ASS1: variants seen among roughly 807,000 people sequenced by gnomAD.
ASS1 encodes argininosuccinate synthase.
A neutral mutation model predicts 60.5 loss-of-function variants in ASS1; 58 were observed. The observed-to-expected ratio is 0.96, with a 90% CI of 0.78 to 1.19. ASS1 has a LOEUF of 1.19. Ranked by LOEUF, ASS1 falls within the 50% of genes most tolerant of loss-of-function variation. The probability of loss-of-function intolerance (pLI) is 0.00; values close to 1 mark genes in which losing one functional copy is unlikely to be tolerated. For missense variants in ASS1, 454 were observed against 547.3 expected (o/e 0.83, Z 1.70); for synonymous variants, 200 against 206.9 (o/e 0.97, Z 0.29).
In ASS1 at chr9:130,489,307, T is replaced by C. The variant is rs1256273105; in HGVS notation, c.839-26T>C. ...ATGCGTTTCTCTCTTTTTTCTCCTT[T>C]TCCCCCTGCCTGGAAAAATGGCTAG... is the stretch of plus-strand genomic sequence containing the variant. On this transcript the variant is annotated intron_variant, in intron 11 of 14. Coordinates refer to ENST00000352480, the MANE Select transcript of ASS1 (RefSeq NM_054012.4). The surrounding 1 kb of genome is among the most constrained non-coding windows in gnomAD (Gnocchi z 4.1). 6.2e-7 allele frequency: 1 copy of C among 1,613,282 alleles called. No individual in the cohort carries two copies. Among genetic ancestry groups the C allele is most frequent in the East Asian group, 2.2e-5 (1 of 44,898 alleles).
At position 130,483,758 on chromosome 9, in the gene ASS1, T is replaced by C. The variant is rs1047176039; in HGVS notation, c.838+3309T>C. ...CCCGCCTTGCTCCTCCTCCTTGCCT[T>C]CCTTTCCTCCTCCCTCTCTCCCTTT... On this transcript the variant is annotated intron_variant, in intron 11 of 14. Coordinates refer to ENST00000352480, the MANE Select transcript of ASS1 (RefSeq NM_054012.4). 2.5e-3 allele frequency among the ~76,000 whole-genome samples: 264 copies of C among 106,456 alleles called. 1 individual carries two copies. The highest frequency in any genetic ancestry group is 0.011 in the African/African-American group (255 of 23,594). 69.8% of individuals were successfully genotyped at this position (106,456 alleles called of 152,430 possible).
At chr9:130,445,142 G>C in intron 1 of ASS1, 147 bp downstream of exon 1, 1 of 985,398 alleles carries the variant, frequency 1.0e-6, no homozygotes, top group African/African-American at 1.7e-5. Context: ...CGGGGACTGG[G>C]ACCGAGGCAG....
chr9:130,467,552 G>A (rs1044592614), intron 6 of ASS1, among the ~76,000 whole-genome samples: 52 of 152,096 alleles, frequency 3.4e-4, no homozygotes, highest in African/African-American at 1.2e-3. Context: ...TAGGGGAGGC[G>A]GCAGGGACGC....
At position 130,494,788 on chromosome 9, in the gene ASS1, C is replaced by T; in HGVS notation, c.971-79C>T. On this transcript the variant is annotated intron_variant, in intron 12 of 14. Transcript: ENST00000352480. This position sits in a 1 kb window ranked among gnomAD's most constrained non-coding sequence, Gnocchi z 4.3. ...CATGGCGGGGTAAACCATGGGGCACCCTTCCTGTGCCCCAGGTCTCCCTGT... is the reference window on the plus strand; with the variant it reads ...CATGGCGGGGTAAACCATGGGGCACTCTTCCTGTGCCCCAGGTCTCCCTGT... 3 of 1,560,026 alleles carry T rather than the reference C, an allele frequency of 1.9e-6. No homozygotes were observed. The highest frequency in any genetic ancestry group is 2.6e-6 in the Non-Finnish European group (3 of 1,133,612).
intron 4 of ASS1, among the ~76,000 whole-genome samples, chr9:130,461,946 GA>G (rs913330671): frequency 6.6e-6 from 1 of 152,184 alleles, no homozygotes; most frequent in Non-Finnish European, 1.5e-5. Context: ...ATGTGAGGGG[GA>G]AGGGCATCCT....
intron 1 of ASS1, among the ~76,000 whole-genome samples, chr9:130,446,833 AC>A (rs1845207465): frequency 6.6e-6 from 1 of 152,210 alleles, no homozygotes; most frequent in South Asian, 2.1e-4. Context: ...GGCACCAGGC[AC>A]CCATGTGGAA....
rs1181935577 is a variant in ASS1, at chr9:130,489,850, C to T, written c.970+386C>T. Among the ~76,000 whole-genome samples, 5 of 152,236 alleles carry T rather than the reference C, an allele frequency of 3.3e-5. No individual in the cohort carries two copies. Among genetic ancestry groups the T allele is most frequent in the Admixed American group, 1.3e-4 (2 of 15,292 alleles). ...CAGGAGGTCTGCAGCTCCTTGTACA[C>T]GAGGAAACTGAGGCTCAGAAGGAAA... is the stretch of plus-strand genomic sequence containing the variant. On this transcript the variant is annotated intron_variant, in intron 12 of 14. Coordinates refer to ENST00000352480, the MANE Select transcript of ASS1 (RefSeq NM_054012.4). This position sits in a 1 kb window ranked among gnomAD's most constrained non-coding sequence, Gnocchi z 4.1.
In ASS1 at chr9:130,476,790, T is replaced by G. The variant is rs1434292062; in HGVS notation, c.598-81T>G. 32 of 1,309,974 alleles carry G rather than the reference T, an allele frequency of 2.4e-5. No individual in the cohort carries two copies. The highest frequency in any genetic ancestry group is 2.8e-5 in the Non-Finnish European group (25 of 904,966). The allele number at this position is 1,309,974 out of a possible 1,614,324, so 81.1% of individuals were successfully genotyped here. ...TGGGGAAATGGACAGAGGAGAGGGG[T>G]GCAGATCCCCGCGGGAGGTGGGCTG... On this transcript the variant is annotated intron_variant, in intron 8 of 14. Coordinates refer to ENST00000352480, the MANE Select transcript of ASS1 (RefSeq NM_054012.4). The surrounding 1 kb of genome is among the most constrained non-coding windows in gnomAD (Gnocchi z 4.9).
chr9:130,491,380 C>T lies in ASS1; in HGVS notation c.970+1916C>T, dbSNP rs532191131. On this transcript the variant is annotated intron_variant, in intron 12 of 14. Transcript: ENST00000352480. The surrounding 1 kb of genome is among the most constrained non-coding windows in gnomAD (Gnocchi z 5.3). ...CCACCGTGGCCGCGGCCACGGCTGCCACTTATCCTGCCATCTTGCTGCTAG... is the reference window on the plus strand; with the variant it reads ...CCACCGTGGCCGCGGCCACGGCTGCTACTTATCCTGCCATCTTGCTGCTAG... 1.3e-4 allele frequency among the ~76,000 whole-genome samples: 20 copies of T among 152,320 alleles called. No homozygotes were observed. In the South Asian group the frequency reaches 3.9e-3, roughly 30 times the overall value.
intron 2 of ASS1, 136 bp downstream of exon 2, chr9:130,452,469 C>G (rs567961650): frequency 2.3e-5 from 18 of 781,136 alleles, no homozygotes; most frequent in Admixed American, 8.0e-5. Context: ...TCTCTCGAAG[C>G]CTGTCTTGAA....
intron 4 of ASS1, 71 bp downstream of exon 4, chr9:130,458,660 C>G: frequency 6.4e-7 from 1 of 1,555,884 alleles, no homozygotes; most frequent in Non-Finnish European, 8.7e-7. Flanking sequence ...ATGAGCACCC[C>G]TCGAGCGGTT....
chr9:130,495,107 G>A (rs1846549097), intron 13 of ASS1, 84 bp downstream of exon 13: 1 of 1,486,410 alleles, frequency 6.7e-7, no homozygotes, highest in Non-Finnish European at 9.1e-7. Flanking sequence ...CTGTGCCTGA[G>A]CACATGTCAG....
intron 4 of ASS1, among the ~76,000 whole-genome samples, chr9:130,460,889 G>A (rs1845574774): frequency 6.6e-6 from 1 of 152,170 alleles, no homozygotes; most frequent in Non-Finnish European, 1.5e-5. Context: ...TAGGAAACCA[G>A]GCAAGGAGGT....
chr9:130,456,051 T>C (rs1291893202), intron 3 of ASS1, among the ~76,000 whole-genome samples: 1 of 152,254 alleles, frequency 6.6e-6, no homozygotes, highest in Admixed American at 6.5e-5. Flanking sequence ...AGGAGCAGGC[T>C]TTGTGCACGG....
intron 4 of ASS1, among the ~76,000 whole-genome samples, chr9:130,461,930 C>T (rs1166318959): frequency 2.0e-5 from 3 of 152,208 alleles, no homozygotes; most frequent in African/African-American, 7.2e-5. Context: ...AACGGATTGG[C>T]CTGGGATGTG....
rs1166349058 is a variant in ASS1 at position 130,476,635 on chromosome 9, A to G, written c.598-236A>G. Reference sequence around the variant, plus strand: ...CCAGCTGTGGGGGCGTCGAAGAAAAAGATGAGATCAAGTTGAGGGGAAAAA... The same window carrying G: ...CCAGCTGTGGGGGCGTCGAAGAAAAGGATGAGATCAAGTTGAGGGGAAAAA... On this transcript the variant is annotated intron_variant, in intron 8 of 14. Transcript: ENST00000352480. This position sits in a 1 kb window ranked among gnomAD's most constrained non-coding sequence, Gnocchi z 4.9. 5.1e-6 allele frequency: 3 copies of G among 594,058 alleles called. No homozygotes were observed. The highest frequency in any genetic ancestry group is 9.0e-6 in the Non-Finnish European group (3 of 332,802). The allele number at this position is 594,058 out of a possible 1,614,324, so 36.8% of individuals were successfully genotyped here. A position where few individuals can be genotyped will look rare whatever the true frequency, so the allele number is the denominator to read the frequency against.
intron 11 of ASS1, among the ~76,000 whole-genome samples, chr9:130,486,238 C>T (rs1021268577): frequency 1.3e-5 from 2 of 152,138 alleles, no homozygotes; most frequent in African/African-American, 4.8e-5. Flanking sequence ...ACCACGGGCA[C>T]ATGCCACCAC....
chr9:130,449,053 G>A (rs778672975), intron 1 of ASS1, among the ~76,000 whole-genome samples: 27 of 152,308 alleles, frequency 1.8e-4, no homozygotes, highest in South Asian at 1.2e-3. Flanking sequence ...CATGATGGCC[G>A]GATGTAGTGG....
chr9:130,498,750 G>A (rs1446990734), intron 13 of ASS1, among the ~76,000 whole-genome samples: 1 of 152,180 alleles, frequency 6.6e-6, no homozygotes, highest in East Asian at 1.9e-4. Flanking sequence ...GGTGGCGGGT[G>A]GCGGAAACAG....
Sources: allele counts gnomAD v4.1 joint callset (sites outside exome capture counted in the v4.1 genomes callset), GRCh38; gene constraint gnomAD v4.1.1; non-coding constraint Gnocchi (gnomAD v3.1); transcripts MANE v1.5; gene names NCBI Gene and HGNC (gene_info 2026-07-23, HGNC 2026-07-21).